ATAD2B: variants seen among roughly 807,000 people sequenced by gnomAD.
ATAD2B encodes ATPase family AAA domain containing 2B, also known as ATPase family AAA domain-containing protein 2B.
In ATAD2B, 40 loss-of-function variants were observed where a neutral mutation model predicts 167.6. That is an observed-to-expected ratio of 0.24 (90% CI 0.19 to 0.31). ATAD2B has a LOEUF of 0.31. Ranked by LOEUF, ATAD2B falls within the 10% of genes least tolerant of loss-of-function variation. ATAD2B has a pLI of 1.00. For synonymous variants in ATAD2B, 579 were observed against 596.5 expected (o/e 0.97, Z 0.43); for missense variants, 1,242 against 1,757.2 (o/e 0.71, Z 5.24).
the ATAD2B span, among the ~76,000 whole-genome samples, chr2:23,682,952 G>A: frequency 3.3e-5 from 5 of 152,126 alleles, no homozygotes; most frequent in African/African-American, 7.2e-5. The surrounding 1 kb of genome is among the most constrained non-coding windows in gnomAD (Gnocchi z 4.1). Context: ...TGCATGTGGC[G>A]TGTTCTCCAG....
intron 2 of ATAD2B, among the ~76,000 whole-genome samples, chr2:23,892,186 C>T (rs915083364): frequency 1.5e-4 from 23 of 152,092 alleles, no homozygotes; most frequent in Admixed American, 2.0e-4. Context: ...TTTCTTGAGA[C>T]GGAGTCTCGC....
rs568574309 is a variant in ATAD2B, at chr2:23,902,856, G to A, written c.217-6886C>T. On this transcript the variant is annotated intron_variant, in intron 1 of 27. Coordinates refer to ENST00000238789, the MANE Select transcript of ATAD2B (RefSeq NM_017552.4). ...CCAGGCGGTAGGATCCTTGTGGCCA[G>A]GAGTTTGAAACCAGTCTGAGTAACA... Among the ~76,000 whole-genome samples the A allele has an allele frequency of 9.2e-5, 14 of 152,244 alleles. No individual in the cohort carries two copies. In the South Asian group the frequency reaches 2.9e-3, roughly 32 times the overall value.
At chr2:23,857,800 G>C (rs563216740) in intron 12 of ATAD2B, among the ~76,000 whole-genome samples, 2 of 142,854 alleles carry the variant, frequency 1.4e-5, no homozygotes, top group African/African-American at 5.2e-5. Flanking sequence ...GAAGTGCAGT[G>C]GCACGATCTC....
At chr2:23,742,256 T>C in the ATAD2B span, among the ~76,000 whole-genome samples, 1 of 152,158 alleles carries the variant, frequency 6.6e-6, no homozygotes, top group Non-Finnish European at 1.5e-5. Context: ...CATGCACATG[T>C]ATGTTTACAG....
chr2:23,892,960 T>C (rs1699744250), intron 2 of ATAD2B, among the ~76,000 whole-genome samples: 1 of 152,240 alleles, frequency 6.6e-6, no homozygotes, highest in Non-Finnish European at 1.5e-5. Context: ...TTAGTATGTA[T>C]ATTTGGGAAT....
At chr2:23,710,485 C>G in the ATAD2B span, among the ~76,000 whole-genome samples, 1 of 152,116 alleles carries the variant, frequency 6.6e-6, no homozygotes, top group Non-Finnish European at 1.5e-5. Flanking sequence ...TTCTGTCAAC[C>G]AAAACAACGC....
intron 18 of ATAD2B, among the ~76,000 whole-genome samples, chr2:23,802,636 C>CAA (rs879810887): frequency 1.5e-5 from 2 of 134,578 alleles, no homozygotes; most frequent in South Asian, 2.3e-4. Flanking sequence ...GTCTACAACT[C>CAA]AAAAAAAAAA....
chr2:23,779,950 T>G (rs1372598801), intron 22 of ATAD2B, among the ~76,000 whole-genome samples: 1 of 152,190 alleles, frequency 6.6e-6, no homozygotes, highest in African/African-American at 2.4e-5. Context: ...TATTTTTCTA[T>G]AAGATATATA....
chr2:23,857,508 T>C lies in ATAD2B; in HGVS notation c.1480-5A>G, dbSNP rs1693604667. The C allele has an allele frequency of 2.3e-6, 3 of 1,279,022 alleles. No homozygotes were observed. In the African/African-American group the frequency reaches 4.7e-5, roughly 20 times the overall value. The allele number at this position is 1,279,022 out of a possible 1,614,324, so 79.2% of individuals were successfully genotyped here. On this transcript the variant is annotated splice_polypyrimidine_tract_variant and splice_region_variant and intron_variant, in intron 12 of 27. Coordinates refer to ENST00000238789, the MANE Select transcript of ATAD2B (RefSeq NM_017552.4). ...AGAAGGTCTCATCAAATATGCCTAG[T>C]AAGAAGAAAACAAATAATATTTATT...
chr2:23,760,146 C>T (rs1356128867), intron 24 of ATAD2B, among the ~76,000 whole-genome samples: 5 of 152,272 alleles, frequency 3.3e-5, no homozygotes, highest in East Asian at 1.9e-4. Flanking sequence ...CTGGCTAATA[C>T]GGTAAGAGAA....
Position 23,903,914 on chromosome 2 carries a change from C to T in ATAD2B, c.217-7944G>A, listed in dbSNP as rs941718715. 4.0e-5 allele frequency among the ~76,000 whole-genome samples: 6 copies of T among 151,860 alleles called. No individual in the cohort carries two copies. The East Asian group carries it at 9.6e-4, about 24-fold the overall frequency. Reference sequence around the variant, plus strand: ...GTATTCAAAATAAATACAGTAAGGGCAGGTATAAAAAGTGCCGGTTGTTGT... The same window carrying T: ...GTATTCAAAATAAATACAGTAAGGGTAGGTATAAAAAGTGCCGGTTGTTGT... On this transcript the variant is annotated intron_variant, in intron 1 of 27. Coordinates refer to ENST00000238789, the MANE Select transcript of ATAD2B (RefSeq NM_017552.4).
intron 1 of ATAD2B, among the ~76,000 whole-genome samples, chr2:23,924,147 G>A (rs1274483800): frequency 3.3e-5 from 5 of 152,124 alleles, no homozygotes; most frequent in Non-Finnish European, 7.3e-5. Context: ...TCGCGCCACT[G>A]CACTCCAGCC....
chr2:23,870,625 G>A (rs1340968448), intron 8 of ATAD2B, among the ~76,000 whole-genome samples: 15 of 107,928 alleles, frequency 1.4e-4, no homozygotes, highest in Non-Finnish European at 1.6e-4. Context: ...AGCGAATATC[G>A]GTCACTGTTT....
intron 1 of ATAD2B, among the ~76,000 whole-genome samples, chr2:23,924,115 C>T (rs1216539166): frequency 1.4e-5 from 2 of 146,696 alleles, no homozygotes; most frequent in East Asian, 4.1e-4. Context: ...CCCCGGGGGG[C>T]GGAGCCTGCA....
intron 22 of ATAD2B, among the ~76,000 whole-genome samples, chr2:23,774,896 G>C (rs549201864): frequency 7.9e-5 from 12 of 152,094 alleles, no homozygotes; most frequent in Non-Finnish European, 1.3e-4. Flanking sequence ...GCAAAACCCT[G>C]TCTGAAAATA....
the ATAD2B span, chr2:23,706,911 CAG>C: frequency 2.4e-6 from 1 of 418,276 alleles, no homozygotes. Context: ...GCCTCCTGAA[CAG>C]GGGCGCTCGC....
intron 4 of ATAD2B, 47 bp from the exon 5 acceptor site, chr2:23,885,876 A>G: frequency 8.8e-7 from 1 of 1,139,456 alleles, no homozygotes; most frequent in Non-Finnish European, 1.3e-6. Context: ...GTGGCACCAT[A>G]TACATAAAAG....
intron 1 of ATAD2B, among the ~76,000 whole-genome samples, chr2:23,909,486 A>G (rs1209745093): frequency 6.6e-6 from 1 of 151,942 alleles, no homozygotes; most frequent in Admixed American, 6.6e-5. Context: ...ATATACATAC[A>G]TACATACATA....
At position 23,777,376 on chromosome 2, in the gene ATAD2B, A is replaced by ATCTATATCTATT. The variant is rs1391733215; in HGVS notation, c.3133+5492_3133+5493insAATAGATATAGA. On this transcript the variant is annotated intron_variant, in intron 22 of 27. Coordinates refer to ENST00000238789, the MANE Select transcript of ATAD2B (RefSeq NM_017552.4). ...TATCTATATCTATATCTATATCTATATCTATATCTATATCTTGGTCTCAAA... is the reference window on the plus strand; with the variant it reads ...TATCTATATCTATATCTATATCTATATCTATATCTATTTCTATATCTATATCTTGGTCTCAAA... Among the ~76,000 whole-genome samples, 97 of 151,986 alleles carry ATCTATATCTATT rather than the reference A, an allele frequency of 6.4e-4. 1 individual carries two copies. In the South Asian group the frequency reaches 0.02, roughly 31 times the overall value.
Sources: allele counts gnomAD v4.1 joint callset (sites outside exome capture counted in the v4.1 genomes callset), GRCh38; gene constraint gnomAD v4.1.1; non-coding constraint Gnocchi (gnomAD v3.1); transcripts MANE v1.5; gene names NCBI Gene and HGNC (gene_info 2026-07-23, HGNC 2026-07-21).